The following AP1G1 variants were observed in gnomAD, a reference collection of about 807,000 sequenced individuals.
AP1G1 encodes adaptor related protein complex 1 subunit gamma 1, also known as AP-1 complex subunit gamma-1.
A neutral mutation model predicts 108.3 loss-of-function variants in AP1G1; 7 were observed. The observed-to-expected ratio is 0.06, with a 90% CI of 0.04 to 0.12. AP1G1 has a LOEUF of 0.12. AP1G1 is among the 10% of genes least tolerant of loss of function. AP1G1 has a pLI of 1.00. For missense variants in AP1G1, 756 were observed against 1,010.7 expected, an observed-to-expected ratio of 0.75 and a Z score of 3.42; for synonymous variants, 379 against 353.5, an observed-to-expected ratio of 1.07 and a Z score of -0.81.
chr16:71,745,648 G>A, intron 17 of AP1G1, 34 bp from the exon 18 acceptor site: 1 of 1,574,606 alleles, frequency 6.4e-7, no homozygotes, highest in Non-Finnish European at 8.7e-7. Flanking sequence ...ATTCTAGGCA[G>A]TTAACCTAGA....
intron 1 of AP1G1, among the ~76,000 whole-genome samples, chr16:71,807,589 A>G (rs1567668769): frequency 6.6e-6 from 1 of 152,254 alleles, no homozygotes; most frequent in Non-Finnish European, 1.5e-5. Flanking sequence ...GTATTTGACA[A>G]GTATTCTAGG....
chr16:71,785,631 T>A (rs1477704672), intron 2 of AP1G1, among the ~76,000 whole-genome samples: 2 of 140,350 alleles, frequency 1.4e-5, no homozygotes, highest in South Asian at 4.6e-4. Flanking sequence ...ACGCCTGTAA[T>A]CCCAGCACTT....
At chr16:71,783,342 C>G (rs777826759) in intron 2 of AP1G1, among the ~76,000 whole-genome samples, 7 of 151,980 alleles carry the variant, frequency 4.6e-5, no homozygotes, top group Non-Finnish European at 8.8e-5. Flanking sequence ...TCCACAGAGA[C>G]TCTTAGAACC....
chr16:71,739,137 T>C, intron 20 of AP1G1, 35 bp from the exon 21 acceptor site: 1 of 1,613,174 alleles, frequency 6.2e-7, no homozygotes, highest in Non-Finnish European at 8.5e-7. Context: ...CTTATTGTAG[T>C]CAGCCTAATG....
chr16:71,794,845 T>C (rs899856763), intron 1 of AP1G1, among the ~76,000 whole-genome samples: 1 of 140,990 alleles, frequency 7.1e-6, no homozygotes, highest in African/African-American at 2.6e-5. Context: ...CTTTTTTTTT[T>C]TTTTTTTTTT....
intron 13 of AP1G1, chr16:71,751,154 CA>C (rs397697049): frequency 0.22 from 17,894 of 83,082 alleles, 1,461 homozygotes; most frequent in African/African-American, 0.39. Flanking sequence ...GACTCCGTCT[CA>C]AAAAAAAAAA....
intron 11 of AP1G1, among the ~76,000 whole-genome samples, chr16:71,757,323 C>T (rs1314782788): frequency 3.3e-5 from 5 of 151,886 alleles, no homozygotes; most frequent in African/African-American, 9.7e-5. Flanking sequence ...TGGTGGCAGG[C>T]GCCTGTAATC....
rs368123748 is a variant in AP1G1 at position 71,739,291 on chromosome 16, G to C, written c.2050C>G (p.Pro684Ala). ...GAAAGCCCATCCAACAAGAAGGGGG[G>C]CTGGGATATCTGTGGGACTGAGGCA... The part of the protein sequence containing the change: ...APASVPQISQ[P>A]PFLLDGLSSQ... The change falls in exon 20 of 23, where the codon CCC (proline) becomes GCC (alanine). Residue 684 changes from proline to alanine, a missense_variant. Around this residue, in one of 3 missense-constraint regions of AP1G1, gnomAD observed 357 missense variants for 366.5 expected, o/e 0.97. Transcript: ENST00000299980. 1.9e-6 allele frequency: 3 copies of C among 1,612,666 alleles called. No individual in the cohort carries two copies. In the South Asian group the frequency reaches 3.3e-5, roughly 18 times the overall value.
chr16:71,748,071 T>C (rs933421538), intron 16 of AP1G1, among the ~76,000 whole-genome samples, 180 bp downstream of exon 16: 3 of 152,238 alleles, frequency 2.0e-5, no homozygotes, highest in Non-Finnish European at 2.9e-5. Context: ...TGCTGATGAA[T>C]AAAGATTAAC....
intron 21 of AP1G1, among the ~76,000 whole-genome samples, chr16:71,735,432 GGCGA>G (rs1264494076): frequency 6.6e-6 from 1 of 152,194 alleles, no homozygotes; most frequent in Non-Finnish European, 1.5e-5. Context: ...GGGAGGTCAA[GGCGA>G]GCGGATCACG....
chr16:71,777,106 CAAAAAAAAAAAAA>C lies in AP1G1; in HGVS notation c.202-2527_202-2515del, dbSNP rs57955419. ...GCCTAGGAAAACAGCCAAACTGTTACAAAAAAAAAAAAAAAAAAAAAAAAAAAACTATACCAAA... is the reference window on the plus strand; with the variant it reads ...GCCTAGGAAAACAGCCAAACTGTTACAAAAAAAAAAAAAAACTATACCAAA... On this transcript the variant is annotated intron_variant, in intron 2 of 22. Coordinates refer to ENST00000299980, the MANE Select transcript of AP1G1 (RefSeq NM_001128.6). 1.9e-3 allele frequency among the ~76,000 whole-genome samples: 93 copies of C among 48,076 alleles called. 2 individuals carry two copies. The highest frequency in any genetic ancestry group is 7.3e-3 in the African/African-American group (86 of 11,756). 31.5% of individuals were successfully genotyped at this position (48,076 alleles called of 152,430 possible). A position where few individuals can be genotyped will look rare whatever the true frequency, so the allele number is the denominator to read the frequency against.
At chr16:71,738,505 CAA>C (rs1030997357) in intron 21 of AP1G1, among the ~76,000 whole-genome samples, 4 of 152,098 alleles carry the variant, frequency 2.6e-5, no homozygotes, top group Non-Finnish European at 2.9e-5. Context: ...ATTTATGTAT[CAA>C]GAGAGAAAAA....
intron 6 of AP1G1, among the ~76,000 whole-genome samples, chr16:71,765,848 T>C (rs1597060133): frequency 6.6e-6 from 1 of 152,172 alleles, no homozygotes; most frequent in Admixed American, 6.6e-5. Flanking sequence ...ACAAATAATA[T>C]TGGGTCAGAA....
intron 22 of AP1G1, 166 bp downstream of exon 22, chr16:71,734,443 G>T: frequency 1.6e-6 from 1 of 608,060 alleles, no homozygotes; most frequent in South Asian, 2.3e-5. Context: ...GATGTCTCTG[G>T]GTTCCATTTG....
At chr16:71,779,300 C>T (rs993071378) in intron 2 of AP1G1, among the ~76,000 whole-genome samples, 5 of 149,752 alleles carry the variant, frequency 3.3e-5, no homozygotes, top group Middle Eastern at 3.2e-3. Context: ...GACATAGACA[C>T]TGACAATTTA....
intron 1 of AP1G1, among the ~76,000 whole-genome samples, chr16:71,798,265 T>A (rs2032656419): frequency 6.6e-6 from 1 of 151,688 alleles, no homozygotes; most frequent in South Asian, 2.1e-4. Context: ...GGCAATACAG[T>A]GAGACTGTGT....
At chr16:71,757,561 C>G (rs188321963) in intron 11 of AP1G1, among the ~76,000 whole-genome samples, 1 of 152,142 alleles carries the variant, frequency 6.6e-6, no homozygotes, top group Non-Finnish European at 1.5e-5. Context: ...ATGTAATTTA[C>G]ATATATTAAT....
intron 1 of AP1G1, chr16:71,806,626 A>G (rs2033006298): frequency 1.8e-6 from 2 of 1,087,192 alleles, no homozygotes; most frequent in African/African-American, 3.3e-5. Context: ...CTAACACCTT[A>G]CTTGAAAAGT....
chr16:71,774,743 G>C, intron 2 of AP1G1, 151 bp from the exon 3 acceptor site: 6 of 878,738 alleles, frequency 6.8e-6, no homozygotes, highest in African/African-American at 1.8e-5. Context: ...TTTTTGAGAC[G>C]GGGTTTCGCT....
Sources: gnomAD v4.1 joint callset for allele counts (sites outside exome capture counted in the v4.1 genomes callset) on GRCh38, gnomAD v4.1.1 for gene constraint, gnomAD v4.1.1 regional missense constraint, MANE v1.5 for transcripts, NCBI Gene and HGNC (gene_info 2026-07-23, HGNC 2026-07-21) for gene names.